Variants in SNRK observed in about 807,000 individuals in gnomAD.
SNRK encodes the protein SNF-related serine/threonine-protein kinase.
A neutral mutation model predicts 48.2 loss-of-function variants in SNRK; 3 were observed. That is an observed-to-expected ratio of 0.06 (90% CI 0.03 to 0.16). SNRK has a LOEUF of 0.16. SNRK is among the 10% of genes least tolerant of loss of function. The pLI is 1.00. For missense variants in SNRK, 627 were observed against 976.0 expected (o/e 0.64, Z 4.76); for synonymous variants, 376 against 366.1 (o/e 1.03, Z -0.31).
chr3:43,332,031 C>T (rs1210738864), intron 3 of SNRK, 138 bp from the exon 4 acceptor site: 2 of 600,590 alleles, frequency 3.3e-6, no homozygotes, highest in South Asian at 9.5e-5. Flanking sequence ...ATTGGGGCTT[C>T]TTTTCCTTCA....
At position 43,348,195 on chromosome 3, in the gene SNRK, A is replaced by C. The variant is rs757349076; in HGVS notation, c.1936A>C (p.Ser646Arg). ...ASRSAGELVESLKLMSLCLGS... is the reference protein window; with the variant it reads ...ASRSAGELVERLKLMSLCLGS... ...TCGCAGTGCTGGGGAGCTCGTTGAG[A>C]GCCTCAAACTCATGAGCCTCTGCCT... Residue 646 changes from serine (S) to arginine (R), a missense_variant, in exon 7 of 7, where the codon AGC becomes CGC. This residue lies in a region of SNRK where 207 missense variants were observed against 234.3 expected (regional missense o/e 0.88). Transcript: ENST00000296088. 2.5e-6 allele frequency: 4 copies of C among 1,602,534 alleles called. No homozygotes were observed. The highest frequency in any genetic ancestry group is 3.4e-6 in the Non-Finnish European group (4 of 1,175,030).
Position 43,347,211 on chromosome 3 carries a change from T to C in SNRK, c.1080-128T>C. 1 of 1,019,462 alleles carries C rather than the reference T, an allele frequency of 9.8e-7. No homozygotes were observed. Among genetic ancestry groups the C allele is most frequent in the Non-Finnish European group, 1.4e-6 (1 of 716,936 alleles). 63.2% of individuals were successfully genotyped at this position (1,019,462 alleles called of 1,614,324 possible). A position where few individuals can be genotyped will look rare whatever the true frequency, so the allele number is the denominator to read the frequency against. On this transcript the variant is annotated intron_variant, in intron 6 of 6. Coordinates refer to ENST00000296088, the MANE Select transcript of SNRK (RefSeq NM_017719.5). The surrounding 1 kb of genome is among the most constrained non-coding windows in gnomAD (Gnocchi z 5.4). ...TGATGTTTACAGGATGTTGAATGGG[T>C]TTGCAAGGCTGCTGCTTTTTTCTTT...
intron 3 of SNRK, among the ~76,000 whole-genome samples, chr3:43,320,631 C>A (rs2091046439): frequency 6.6e-6 from 1 of 151,654 alleles, no homozygotes; most frequent in Non-Finnish European, 1.5e-5. Flanking sequence ...AAATGTTAGT[C>A]AACGCCAAGC....
chr3:43,323,750 T>C (rs1438320670), intron 3 of SNRK, among the ~76,000 whole-genome samples: 1 of 151,106 alleles, frequency 6.6e-6, no homozygotes, highest in African/African-American at 2.4e-5. Flanking sequence ...CCATGAAAAA[T>C]GGTGACCTAT....
rs979405574 is a variant in SNRK at position 43,350,047 on chromosome 3, A to G, written c.*1490A>G. ...GTGGTCACTGTTTCTTCAAGTACAC[A>G]CTGACTCTGCTACTTTAGGATAAAT... On this transcript the variant is annotated 3_prime_UTR_variant, in exon 7 of 7. Transcript: ENST00000296088. 6.6e-6 allele frequency: 1 copy of G among 152,236 alleles called. No homozygotes were observed. Among genetic ancestry groups the G allele is most frequent in the Admixed American group, 6.5e-5 (1 of 15,288 alleles). The allele number at this position is 152,236 out of a possible 1,614,324, so 9.4% of individuals were successfully genotyped here.
At chr3:43,287,337 A>T (rs1263215892) in intron 1 of SNRK, among the ~76,000 whole-genome samples, 6 of 152,130 alleles carry the variant, frequency 3.9e-5, no homozygotes, top group African/African-American at 9.7e-5. Flanking sequence ...GGTCCATTTT[A>T]CAGGGACCTT....
chr3:43,317,358 T>C (rs994598601), intron 3 of SNRK, among the ~76,000 whole-genome samples: 3 of 152,182 alleles, frequency 2.0e-5, no homozygotes, highest in Non-Finnish European at 4.4e-5. Flanking sequence ...CAAGAGTATG[T>C]CGGGAATTGC....
At chr3:43,319,593 C>T (rs2091038962) in intron 3 of SNRK, among the ~76,000 whole-genome samples, 1 of 152,228 alleles carries the variant, frequency 6.6e-6, no homozygotes, top group Admixed American at 6.5e-5. Context: ...TGCCTCACTC[C>T]AGATGGCTCA....
At chr3:43,323,379 A>G (rs1450523515) in intron 3 of SNRK, among the ~76,000 whole-genome samples, 1 of 152,242 alleles carries the variant, frequency 6.6e-6, no homozygotes, top group African/African-American at 2.4e-5. Flanking sequence ...GATGTTCCAC[A>G]CCATTAGTCA....
chr3:43,315,169 A>G (rs1307081282), intron 3 of SNRK: 2 of 152,224 alleles, frequency 1.3e-5, no homozygotes, highest in Non-Finnish European at 2.9e-5. Flanking sequence ...GAACAAGTTA[A>G]AACTCCTGTG....
chr3:43,336,429 T>C (rs544657407), intron 4 of SNRK, among the ~76,000 whole-genome samples: 2 of 152,084 alleles, frequency 1.3e-5, no homozygotes, highest in Non-Finnish European at 2.9e-5. Context: ...ACTCCTGGGC[T>C]CAAGTGATTG....
At chr3:43,339,343 C>G (rs1320823054) in intron 4 of SNRK, among the ~76,000 whole-genome samples, 1 of 152,134 alleles carries the variant, frequency 6.6e-6, no homozygotes, top group Non-Finnish European at 1.5e-5. Flanking sequence ...TTCAGTAGGC[C>G]TTACACATTA....
At chr3:43,297,253 T>C (rs2090862994) in intron 1 of SNRK, among the ~76,000 whole-genome samples, 1 of 152,218 alleles carries the variant, frequency 6.6e-6, no homozygotes, top group Non-Finnish European at 1.5e-5. Context: ...GTATAGAGGA[T>C]GTACACTCGG....
At chr3:43,299,976 G>A (rs1047901953) in intron 2 of SNRK, among the ~76,000 whole-genome samples, 161 bp downstream of exon 2, 1 of 152,212 alleles carries the variant, frequency 6.6e-6, no homozygotes, top group African/African-American at 2.4e-5. Context: ...GTACTTAATA[G>A]TAGGATTAGA....
intron 1 of SNRK, among the ~76,000 whole-genome samples, chr3:43,299,454 G>A (rs1209945303): frequency 6.6e-6 from 1 of 152,128 alleles, no homozygotes; most frequent in Non-Finnish European, 1.5e-5. Flanking sequence ...GGGATTACAG[G>A]CGTGAGCCAC....
intron 3 of SNRK, among the ~76,000 whole-genome samples, chr3:43,320,266 TATTCTTTTTA>T (rs2091043379): frequency 6.6e-6 from 1 of 152,196 alleles, no homozygotes; most frequent in Non-Finnish European, 1.5e-5. Context: ...TTGGGTACAG[TATTCTTTTTA>T]TTTCCTAAAG....
At chr3:43,341,226 C>G (rs2091233972) in intron 5 of SNRK, among the ~76,000 whole-genome samples, 1 of 151,990 alleles carries the variant, frequency 6.6e-6, no homozygotes, top group Non-Finnish European at 1.5e-5. Flanking sequence ...TCTTGGCTCA[C>G]TGCAAGCTCC....
At chr3:43,289,413 G>A (rs1452299795) in intron 1 of SNRK, among the ~76,000 whole-genome samples, 1 of 152,184 alleles carries the variant, frequency 6.6e-6, no homozygotes, top group African/African-American at 2.4e-5. Flanking sequence ...GAAAAGGAAG[G>A]AGGGAAATGG....
chr3:43,297,388 G>C (rs182471446), intron 1 of SNRK, among the ~76,000 whole-genome samples: 218 of 152,116 alleles, frequency 1.4e-3, no homozygotes, highest in African/African-American at 3.6e-3. Flanking sequence ...TTGTTTTTTG[G>C]AGAGAAGTAT....
Sources: gnomAD v4.1 joint callset for allele counts (sites outside exome capture counted in the v4.1 genomes callset) on GRCh38, gnomAD v4.1.1 for gene constraint, gnomAD v4.1.1 regional missense constraint, Gnocchi (gnomAD v3.1) non-coding constraint, MANE v1.5 for transcripts, NCBI Gene and HGNC (gene_info 2026-07-23, HGNC 2026-07-21) for gene names.